The following DOCK5 variants were observed in gnomAD, a reference collection of about 807,000 sequenced individuals.
DOCK5 encodes the protein dedicator of cytokinesis 5, also known as dedicator of cytokinesis protein 5.
In DOCK5, 142 loss-of-function variants were observed where a neutral mutation model predicts 251.8. That is an observed-to-expected ratio of 0.56 (90% CI 0.49 to 0.65). DOCK5 has a LOEUF of 0.65. DOCK5 is among the 30% of genes least tolerant of loss of function. The pLI is 0.00. For missense variants in DOCK5, 2,111 were observed against 2,312.3 expected (o/e 0.91, Z 1.79); for synonymous variants, 842 against 835.5 (o/e 1.01, Z -0.13).
At chr8:25,287,467 G>A (rs562874394) in intron 5 of DOCK5, among the ~76,000 whole-genome samples, 6 of 152,176 alleles carry the variant, frequency 3.9e-5, no homozygotes, top group Admixed American at 2.6e-4. Flanking sequence ...TACAAAAAGT[G>A]AGGCTTCAGG....
intron 16 of DOCK5, among the ~76,000 whole-genome samples, chr8:25,321,558 G>C (rs540530906): frequency 6.6e-6 from 1 of 152,268 alleles, no homozygotes; most frequent in Non-Finnish European, 1.5e-5. Flanking sequence ...GTGCAACCTA[G>C]ATCCCTTGCA....
At chr8:25,395,378 T>C (rs1801328541) in intron 44 of DOCK5, among the ~76,000 whole-genome samples, 165 bp from the exon 45 acceptor site, 1 of 152,204 alleles carries the variant, frequency 6.6e-6, no homozygotes, top group East Asian at 1.9e-4. Context: ...GATACTGGCC[T>C]GGCATTTTGG....
chr8:25,240,353 C>G (rs1203359855), intron 1 of DOCK5, among the ~76,000 whole-genome samples: 1 of 151,084 alleles, frequency 6.6e-6, no homozygotes, highest in Non-Finnish European at 1.5e-5. Context: ...GCATATAATT[C>G]ACTGATTTTT....
intron 2 of DOCK5, among the ~76,000 whole-genome samples, chr8:25,258,725 A>G (rs917797075): frequency 4.6e-5 from 7 of 152,226 alleles, no homozygotes; most frequent in Non-Finnish European, 1.0e-4. Flanking sequence ...CAGTGGCTCA[A>G]GAACACCTGT....
In DOCK5 at chr8:25,328,068, C is replaced by T. The variant is rs548545100; in HGVS notation, c.1903+2521C>T. Among the ~76,000 whole-genome samples the T allele has an allele frequency of 3.9e-5, 6 of 152,082 alleles. No individual in the cohort carries two copies. The East Asian group carries it at 7.7e-4, about 20-fold the overall frequency. On this transcript the variant is annotated intron_variant, in intron 18 of 51. Transcript: ENST00000276440. ...AAATCAGTCCGCTAGTTGCCCTAGT[C>T]GCATTTCAAGCATTCTGGTCTTCTG...
intron 3 of DOCK5, chr8:25,270,858 T>G (rs968348776): frequency 1.4e-6 from 1 of 705,172 alleles, no homozygotes; most frequent in African/African-American, 1.7e-5. Context: ...TAAAATGGCA[T>G]AGTATTTGCA....
intron 42 of DOCK5, among the ~76,000 whole-genome samples, chr8:25,391,509 G>T (rs574260706): frequency 2.0e-5 from 3 of 152,004 alleles, no homozygotes; most frequent in African/African-American, 7.2e-5. Context: ...GTGATGGTGC[G>T]TGCTTGTAAT....
At chr8:25,226,749 C>G (rs1802544912) in intron 1 of DOCK5, among the ~76,000 whole-genome samples, 2 of 152,152 alleles carry the variant, frequency 1.3e-5, no homozygotes, top group South Asian at 2.1e-4. Context: ...CCACGCCCGG[C>G]TAATTTTTTG....
rs760334671 is a variant in DOCK5, at chr8:25,342,492, CTT to C, written c.2606_2607del (p.Phe869SerfsTer23). On this transcript the variant is annotated frameshift_variant, in exon 25 of 52. Coordinates refer to ENST00000276440, the MANE Select transcript of DOCK5 (RefSeq NM_024940.8). LOFTEE classifies it high-confidence loss of function. ...CATGACCAAGATAGTAGAGAGCACT[CTT>C]TTTCGACAGTCAGGTAAGTCTCCTT... ...NCMTKIVESTLFRQSECREVL... is the reference protein window; with the variant it reads ...NCMTKIVESTXFRQSECREVL... 50 of 1,587,818 alleles carry C rather than the reference CTT, an allele frequency of 3.1e-5. No individual in the cohort carries two copies. The highest frequency in any genetic ancestry group is 4.3e-5 in the Non-Finnish European group (50 of 1,165,094).
chr8:25,314,408 A>G (rs1360623640), intron 13 of DOCK5, among the ~76,000 whole-genome samples: 3 of 151,604 alleles, frequency 2.0e-5, no homozygotes, highest in East Asian at 1.9e-4. Flanking sequence ...CATGAGCCAC[A>G]ACACTCAGCC....
intron 1 of DOCK5, among the ~76,000 whole-genome samples, chr8:25,190,193 G>A (rs1185548836): frequency 6.6e-6 from 1 of 152,144 alleles, no homozygotes; most frequent in Non-Finnish European, 1.5e-5. Context: ...GGCCCAGAAT[G>A]TTTTTAAATG....
chr8:25,379,283 A>G (rs973522038), intron 38 of DOCK5, among the ~76,000 whole-genome samples: 4 of 152,074 alleles, frequency 2.6e-5, no homozygotes, highest in African/African-American at 9.7e-5. Flanking sequence ...ACTGCATAGG[A>G]CAGACATTCC....
chr8:25,390,329 A>G, intron 42 of DOCK5, 42 bp downstream of exon 42: 1 of 1,464,720 alleles, frequency 6.8e-7, no homozygotes, highest in Non-Finnish European at 9.2e-7. Flanking sequence ...ATCTGTGTCT[A>G]GGCACAGTGG....
At chr8:25,301,476 A>T in intron 9 of DOCK5, among the ~76,000 whole-genome samples, 1 of 152,236 alleles carries the variant, frequency 6.6e-6, no homozygotes, top group East Asian at 1.9e-4. Flanking sequence ...CAGCTGTTTC[A>T]TATAACCAAT....
At chr8:25,202,334 T>C (rs1486012417) in intron 1 of DOCK5, among the ~76,000 whole-genome samples, 4 of 152,170 alleles carry the variant, frequency 2.6e-5, no homozygotes, top group Non-Finnish European at 1.5e-5. Flanking sequence ...AATATTTGAA[T>C]TCCCAGGGAT....
intron 25 of DOCK5, 195 bp from the exon 26 acceptor site, chr8:25,345,280 C>A: frequency 4.5e-6 from 2 of 447,158 alleles, no homozygotes; most frequent in Non-Finnish European, 3.9e-6. Context: ...ATTCATTCAT[C>A]TGCGCATTGA....
chr8:25,198,003 G>T (rs1801778303), intron 1 of DOCK5, among the ~76,000 whole-genome samples: 1 of 152,088 alleles, frequency 6.6e-6, no homozygotes, highest in Non-Finnish European at 1.5e-5. Flanking sequence ...GCCTGCGTCG[G>T]CCTCCCAAAG....
intron 2 of DOCK5, among the ~76,000 whole-genome samples, chr8:25,257,422 C>A (rs1803447649): frequency 6.6e-6 from 1 of 152,212 alleles, no homozygotes; most frequent in Admixed American, 6.5e-5. Flanking sequence ...CACTGGGGTC[C>A]TGTGGAATCC....
chr8:25,334,956 C>T (rs1040655782), intron 21 of DOCK5, among the ~76,000 whole-genome samples: 1 of 152,208 alleles, frequency 6.6e-6, no homozygotes, highest in African/African-American at 2.4e-5. Flanking sequence ...AGGCAGTGGT[C>T]TCTACCTTTT....
Sources: gnomAD v4.1 joint callset for allele counts (sites outside exome capture counted in the v4.1 genomes callset) on GRCh38, gnomAD v4.1.1 for gene constraint, MANE v1.5 for transcripts, NCBI Gene and HGNC (gene_info 2026-07-23, HGNC 2026-07-21) for gene names.